The following ANAPC4 variants were observed in gnomAD, a reference collection of about 807,000 sequenced individuals.
The protein encoded by ANAPC4 is anaphase-promoting complex subunit 4.
In ANAPC4, 63 loss-of-function variants were observed where a neutral mutation model predicts 119.8. That is an observed-to-expected ratio of 0.53 (90% CI 0.43 to 0.65). The LOEUF is 0.65. ANAPC4 is among the 30% of genes least tolerant of loss of function. ANAPC4 has a pLI of 0.00. For missense variants in ANAPC4, 716 were observed against 945.1 expected (o/e 0.76, Z 3.18); for synonymous variants, 283 against 318.6 (o/e 0.89, Z 1.19).
At chr4:25,391,238 A>G (rs1722330329) in intron 9 of ANAPC4, among the ~76,000 whole-genome samples, 1 of 152,216 alleles carries the variant, frequency 6.6e-6, no homozygotes, top group Non-Finnish European at 1.5e-5. Flanking sequence ...TTGGTGGTCT[A>G]TTAATGACCA....
At chr4:25,387,128 C>T (rs1444376207) in intron 4 of ANAPC4, among the ~76,000 whole-genome samples, 1 of 151,970 alleles carries the variant, frequency 6.6e-6, no homozygotes, top group Admixed American at 6.6e-5. Context: ...TTTCTTTGTC[C>T]ATGGTCCTGA....
At chr4:25,392,310 G>A (rs775341493) in intron 9 of ANAPC4, 28 bp from the exon 10 acceptor site, 17 of 1,499,886 alleles carry the variant, frequency 1.1e-5, no homozygotes, top group Non-Finnish European at 1.5e-5. Flanking sequence ...ATCTGATGAT[G>A]ACTCACTTTA....
chr4:25,402,265 G>A (rs1052352390), intron 16 of ANAPC4, among the ~76,000 whole-genome samples: 1 of 152,160 alleles, frequency 6.6e-6, no homozygotes, highest in Non-Finnish European at 1.5e-5. Context: ...TGCTTGGAAA[G>A]GGCTTTGAGA....
chr4:25,377,704 C>A, intron 2 of ANAPC4, 148 bp downstream of exon 2: 1 of 1,200,658 alleles, frequency 8.3e-7, no homozygotes, highest in Non-Finnish European at 1.1e-6. Context: ...GCTACCCCTT[C>A]CCTGCCTCCC....
In ANAPC4 at chr4:25,414,346, A is replaced by G; in HGVS notation, c.1646A>G (p.Asn549Ser). The change falls in exon 23 of 29, where the codon AAT becomes AGT. Residue 549 changes from asparagine (N) to serine (S), a missense_variant. Physicochemically the swap from Asn to Ser is conservative, Grantham distance 46. This residue lies in a region of ANAPC4 where 504 missense variants were observed against 615.8 expected (regional missense o/e 0.82). Transcript: ENST00000315368. Reference sequence around the variant, plus strand: ...TAGGATGTAATTGGAAAATCGATGAATCAAGCAATCTGTATTCCATTGTAT... The same window carrying G: ...TAGGATGTAATTGGAAAATCGATGAGTCAAGCAATCTGTATTCCATTGTAT... ...KPADVIGKSM[N>S]QAICIPLYRD... The G allele has an allele frequency of 6.3e-7, 1 of 1,598,428 alleles. No homozygotes were observed. Among genetic ancestry groups the G allele is most frequent in the Non-Finnish European group, 8.6e-7 (1 of 1,169,546 alleles).
intron 9 of ANAPC4, among the ~76,000 whole-genome samples, chr4:25,391,312 A>G (rs963711474): frequency 3.3e-5 from 5 of 152,200 alleles, no homozygotes; most frequent in Admixed American, 6.5e-5. Context: ...TCTGTCCCTG[A>G]TAATAACAAA....
In ANAPC4 at chr4:25,377,454, A is replaced by C. The variant is rs773292926; in HGVS notation, c.27A>C (p.Pro9=). 6.2e-7 allele frequency: 1 copy of C among 1,614,018 alleles called. No homozygotes were observed. The highest frequency in any genetic ancestry group is 1.1e-5 in the South Asian group (1 of 91,082). Reference sequence around the variant, plus strand: ...TGTTGCGTTTTCCGACCTGTTTCCCATCCTTCCGGGTGGTGGGAGAGAAGC... The same window carrying C: ...TGTTGCGTTTTCCGACCTGTTTCCCCTCCTTCCGGGTGGTGGGAGAGAAGC... MLRFPTCF[P]SFRVVGEKQL... is the part of the protein sequence containing the mutation. Residue 9 remains proline, a synonymous_variant, in exon 2 of 29, where the codon CCA becomes CCC. Coordinates refer to ENST00000315368, the MANE Select transcript of ANAPC4 (RefSeq NM_013367.3).
Position 25,380,405 on chromosome 4 carries a change from G to A in ANAPC4, c.161G>A (p.Arg54Gln), listed in dbSNP as rs1376848629. ...CTTCATCGACTGGCAAGTTTTCATC[G>A]AGTTTGGAGTTTTCCACCAAATGAA... ...VLLHRLASFH[R>Q]VWSFPPNENT... The change falls in exon 3 of 29, where the codon CGA (arginine) becomes CAA (glutamine). Residue 54 changes from arginine to glutamine, a missense_variant. Physicochemically the swap from Arg to Gln is conservative, Grantham distance 43. Around this residue, in one of 3 missense-constraint regions of ANAPC4, gnomAD observed 202 missense variants for 293.5 expected, o/e 0.69. Transcript: ENST00000315368. 1.2e-6 allele frequency: 2 copies of A among 1,612,380 alleles called. No homozygotes were observed. Among genetic ancestry groups the A allele is most frequent in the Non-Finnish European group, 1.7e-6 (2 of 1,179,132 alleles).
At chr4:25,397,048 AG>A (rs1722690224) in intron 16 of ANAPC4, 149 bp downstream of exon 16, 1 of 747,678 alleles carries the variant, frequency 1.3e-6, no homozygotes, top group Non-Finnish European at 2.1e-6. Flanking sequence ...AAAAGCCAGC[AG>A]CACAGAGAAT....
intron 26 of ANAPC4, chr4:25,416,132 C>T (rs891169057): frequency 2.2e-5 from 5 of 227,452 alleles, no homozygotes; most frequent in African/African-American, 4.5e-5. Context: ...CATAGAATTT[C>T]CACAGGCTTA....
At chr4:25,416,925 T>G (rs1461185266) in intron 27 of ANAPC4, 2 of 169,800 alleles carry the variant, frequency 1.2e-5, no homozygotes, top group Admixed American at 1.2e-4. Context: ...ATTTTTGATT[T>G]GCCTTCAGTA....
chr4:25,393,577 G>A (rs1722472432), intron 10 of ANAPC4, among the ~76,000 whole-genome samples: 3 of 152,108 alleles, frequency 2.0e-5, no homozygotes, highest in African/African-American at 7.2e-5. Context: ...CAGGAGAATC[G>A]CTTGAACCTG....
At chr4:25,384,751 C>T (rs189866551) in intron 4 of ANAPC4, among the ~76,000 whole-genome samples, 8 of 150,942 alleles carry the variant, frequency 5.3e-5, no homozygotes, top group East Asian at 1.9e-4. Flanking sequence ...CGCAGTGAGC[C>T]GTAACTGGAC....
chr4:25,405,412 G>T lies in ANAPC4; in HGVS notation c.1271-161G>T, dbSNP rs986347168. Reference sequence around the variant, plus strand: ...AAATATGAATCAAATTTAAGTTCTGGCACCCCTTAGTTTTTGGAAGAAAAA... The same window carrying T: ...AAATATGAATCAAATTTAAGTTCTGTCACCCCTTAGTTTTTGGAAGAAAAA... On this transcript the variant is annotated intron_variant, in intron 17 of 28. Coordinates refer to ENST00000315368, the MANE Select transcript of ANAPC4 (RefSeq NM_013367.3). This position sits in a 1 kb window ranked among gnomAD's most constrained non-coding sequence, Gnocchi z 4.6. Among the ~76,000 whole-genome samples the T allele has an allele frequency of 6.6e-6, 1 of 152,120 alleles. No homozygotes were observed. Among genetic ancestry groups the T allele is most frequent in the Non-Finnish European group, 1.5e-5 (1 of 68,014 alleles).
At chr4:25,398,528 T>A (rs1722779708) in intron 16 of ANAPC4, among the ~76,000 whole-genome samples, 1 of 151,614 alleles carries the variant, frequency 6.6e-6, no homozygotes, top group Non-Finnish European at 1.5e-5. Flanking sequence ...AGGTAGGAGG[T>A]GGATTGACAG....
intron 21 of ANAPC4, among the ~76,000 whole-genome samples, chr4:25,410,115 A>G (rs1387217427): frequency 6.6e-6 from 1 of 152,062 alleles, no homozygotes; most frequent in African/African-American, 2.4e-5. Flanking sequence ...TTTTTTGCCA[A>G]TTCCAATTTA....
rs187581132 is a variant in ANAPC4, at chr4:25,378,434, C to G, written c.129+878C>G. On this transcript the variant is annotated intron_variant, in intron 2 of 28. Transcript: ENST00000315368. ...GCCAGGGTATTGATGTCTAATTTTT[C>G]AGGGCCCTCCATGAAATCTAGCTAG... 2.7e-3 allele frequency among the ~76,000 whole-genome samples: 406 copies of G among 152,286 alleles called. 7 individuals carry two copies. The highest frequency in any genetic ancestry group is 2.7e-3 in the Non-Finnish European group (187 of 68,018).
At chr4:25,404,388 G>A (rs890567529) in intron 17 of ANAPC4, among the ~76,000 whole-genome samples, 1 of 151,884 alleles carries the variant, frequency 6.6e-6, no homozygotes, top group African/African-American at 2.4e-5. Flanking sequence ...TTTTGCAGAG[G>A]TAGTTTGGTT....
At chr4:25,397,606 C>T (rs1307888694) in intron 16 of ANAPC4, among the ~76,000 whole-genome samples, 2 of 152,214 alleles carry the variant, frequency 1.3e-5, no homozygotes, top group Non-Finnish European at 2.9e-5. Flanking sequence ...TACCCTCACA[C>T]TTAATTGACA....
Sources: gnomAD v4.1 joint callset for allele counts (sites outside exome capture counted in the v4.1 genomes callset) on GRCh38, gnomAD v4.1.1 for gene constraint, gnomAD v4.1.1 regional missense constraint, Gnocchi (gnomAD v3.1) non-coding constraint, MANE v1.5 for transcripts, NCBI Gene and HGNC (gene_info 2026-07-23, HGNC 2026-07-21) for gene names.